Variants in CDK13 observed in about 807,000 individuals in gnomAD.
The protein encoded by CDK13 is cyclin dependent kinase 13, also known as cyclin-dependent kinase 13.
In CDK13, 40 loss-of-function variants were observed where a neutral mutation model predicts 137.6. That is an observed-to-expected ratio of 0.29 (90% CI 0.23 to 0.38). CDK13 has a LOEUF of 0.38. CDK13 is among the 10% of genes least tolerant of loss of function. The pLI is 1.00. For synonymous variants in CDK13, 869 were observed against 760.1 expected, an observed-to-expected ratio of 1.14 and a Z score of -2.36; for missense variants, 1,704 against 1,951.8, an observed-to-expected ratio of 0.87 and a Z score of 2.39.
intron 7 of CDK13, among the ~76,000 whole-genome samples, chr7:40,051,485 G>A (rs1014641252): frequency 1.3e-5 from 2 of 152,058 alleles, no homozygotes; most frequent in African/African-American, 4.8e-5. Context: ...TCATATTTCT[G>A]CTTCATTATA....
chr7:39,999,907 A>T (rs995818848), intron 4 of CDK13, among the ~76,000 whole-genome samples: 1 of 152,064 alleles, frequency 6.6e-6, no homozygotes, highest in Non-Finnish European at 1.5e-5. Flanking sequence ...TGCAGTAACT[A>T]TCCTTGGAGG....
At chr7:40,015,524 G>A (rs1271488968) in intron 5 of CDK13, among the ~76,000 whole-genome samples, 4 of 152,124 alleles carry the variant, frequency 2.6e-5, no homozygotes, top group Admixed American at 1.3e-4. Flanking sequence ...TAGTGATATA[G>A]TGCATGTGAA....
chr7:40,039,186 T>C (rs1785550332), intron 5 of CDK13, among the ~76,000 whole-genome samples: 1 of 152,202 alleles, frequency 6.6e-6, no homozygotes, highest in Admixed American at 6.5e-5. Context: ...GATGAGCTAA[T>C]TGTCTCTTTT....
intron 7 of CDK13, among the ~76,000 whole-genome samples, chr7:40,057,420 G>A (rs879550573): frequency 6.6e-6 from 1 of 152,206 alleles, no homozygotes; most frequent in Non-Finnish European, 1.5e-5. Flanking sequence ...TGGTGCCAGA[G>A]GTGAGAAAAG....
At chr7:39,992,163 GGTGTGTGT>G (rs140203379) in intron 2 of CDK13, among the ~76,000 whole-genome samples, 5,564 of 146,320 alleles carry the variant, frequency 0.038, 304 homozygotes, top group African/African-American at 0.12. Flanking sequence ...AACTAATGAG[GGTGTGTGT>G]GTGTGTGTGT....
chr7:39,988,287 T>G (rs777254552), intron 2 of CDK13, 29 bp downstream of exon 2: 7 of 1,531,034 alleles, frequency 4.6e-6, no homozygotes, highest in Non-Finnish European at 6.2e-6. Flanking sequence ...TGTCAATAAC[T>G]GTTCAAAGAA....
At chr7:39,967,150 G>A (rs1421564028) in intron 1 of CDK13, among the ~76,000 whole-genome samples, 1 of 148,918 alleles carries the variant, frequency 6.7e-6, no homozygotes, top group African/African-American at 2.4e-5. Context: ...AAGCTAAGCC[G>A]AGTGCAGTGG....
chr7:40,004,457 T>TA (rs1403617009), intron 5 of CDK13, among the ~76,000 whole-genome samples: 1 of 152,226 alleles, frequency 6.6e-6, no homozygotes, highest in Non-Finnish European at 1.5e-5. Flanking sequence ...TTAAATGCAT[T>TA]AGAGAATGTG....
At chr7:39,954,081 A>G (rs1787328526) in intron 1 of CDK13, among the ~76,000 whole-genome samples, 1 of 152,218 alleles carries the variant, frequency 6.6e-6, no homozygotes, top group Admixed American at 6.5e-5. Context: ...CCACCTTCGA[A>G]CCATTGCTCC....
chr7:40,029,526 C>T (rs977261740), intron 5 of CDK13, among the ~76,000 whole-genome samples: 14 of 151,688 alleles, frequency 9.2e-5, no homozygotes, highest in African/African-American at 3.1e-4. Context: ...TTGAGATCAT[C>T]CTGGCCAACA....
chr7:39,997,902 G>A, intron 3 of CDK13: 2 of 397,290 alleles, frequency 5.0e-6, no homozygotes, highest in Non-Finnish European at 4.5e-6. Context: ...AATTTCCTGG[G>A]GTATTGTATA....
intron 5 of CDK13, among the ~76,000 whole-genome samples, chr7:40,029,913 A>G (rs1020032326): frequency 6.6e-5 from 10 of 152,028 alleles, no homozygotes; most frequent in Non-Finnish European, 1.3e-4. Context: ...TGGCCTCCCA[A>G]AGTACTGGGA....
chr7:40,069,495 C>A, intron 9 of CDK13: 1 of 324,068 alleles, frequency 3.1e-6, no homozygotes, highest in Non-Finnish European at 6.2e-6. Flanking sequence ...TAAAAGAGGA[C>A]TGATAACATG....
rs541499824 is a variant in CDK13, at chr7:40,082,227, G to A, written c.3029+3376G>A. Among the ~76,000 whole-genome samples the A allele has an allele frequency of 5.7e-4, 87 of 152,094 alleles. 2 individuals are homozygous for A. The South Asian group carries it at 0.016, about 27-fold the overall frequency. ...TTTTAGGCTGGGCGCAGTGGCTCAC[G>A]CCTGTAATCCCAGCACTTTGGGAGG... On this transcript the variant is annotated intron_variant, in intron 11 of 13. Transcript: ENST00000181839.
Position 40,098,450 on chromosome 7 carries a change from T to TA in CDK13, c.*3471dup, listed in dbSNP as rs1283869239. 1 of 151,724 alleles carries TA rather than the reference T, an allele frequency of 6.6e-6. No homozygotes were observed. Among genetic ancestry groups the TA allele is most frequent in the African/African-American group, 2.4e-5 (1 of 41,356 alleles). The allele number at this position is 151,724 out of a possible 1,614,324, so 9.4% of individuals were successfully genotyped here. A position where few individuals can be genotyped will look rare whatever the true frequency, so the allele number is the denominator to read the frequency against. ...AAAGGTGAATCCTTCTTGTAGGACATAGGTAAAAAAAACAAAGCTGAAATA... is the reference window on the plus strand; with the variant it reads ...AAAGGTGAATCCTTCTTGTAGGACATAAGGTAAAAAAAACAAAGCTGAAATA... On this transcript the variant is annotated 3_prime_UTR_variant, in exon 14 of 14. Coordinates refer to ENST00000181839, the MANE Select transcript of CDK13 (RefSeq NM_003718.5).
intron 1 of CDK13, among the ~76,000 whole-genome samples, chr7:39,982,916 G>GCTAATA (rs1050531344): frequency 6.6e-6 from 1 of 152,042 alleles, no homozygotes; most frequent in Non-Finnish European, 1.5e-5. Flanking sequence ...CTGGGTATTA[G>GCTAATA]CCCTTTGTCA....
At chr7:40,068,134 T>G (rs895498582) in intron 9 of CDK13, among the ~76,000 whole-genome samples, 2 of 150,272 alleles carry the variant, frequency 1.3e-5, no homozygotes, top group Non-Finnish European at 3.0e-5. Context: ...AATCCAAGAA[T>G]TCTAAGGGAG....
At chr7:40,051,761 C>A (rs1315349009) in intron 7 of CDK13, among the ~76,000 whole-genome samples, 1 of 152,092 alleles carries the variant, frequency 6.6e-6, no homozygotes, top group Non-Finnish European at 1.5e-5. Flanking sequence ...GGGTCTGTGA[C>A]CAATGTGGAT....
intron 9 of CDK13, chr7:40,071,262 C>T (rs963129223): frequency 1.3e-5 from 2 of 151,900 alleles, no homozygotes; most frequent in East Asian, 1.9e-4. Flanking sequence ...TGAGATTTAC[C>T]GTATTAGAAA....
Sources: allele counts gnomAD v4.1 joint callset (sites outside exome capture counted in the v4.1 genomes callset), GRCh38; gene constraint gnomAD v4.1.1; transcripts MANE v1.5; gene names NCBI Gene and HGNC (gene_info 2026-07-23, HGNC 2026-07-21).